Variants in EXOC6B observed in about 807,000 individuals in gnomAD.
The protein encoded by EXOC6B is exocyst complex component 6B, also known as SEC15 homolog B.
In EXOC6B, 54 loss-of-function variants were observed where a neutral mutation model predicts 113.5. That is an observed-to-expected ratio of 0.48 (90% confidence interval 0.38 to 0.60). The LOEUF (loss-of-function observed/expected upper bound fraction) is 0.60, where lower values mean the gene tolerates loss of function less well. Ranked by LOEUF, EXOC6B falls within the 20% of genes least tolerant of loss-of-function variation. The pLI is 0.00. For synonymous variants in EXOC6B, 357 were observed against 339.0 expected (o/e 1.05, Z -0.58); for missense variants, 797 against 977.5 (o/e 0.82, Z 2.46).
rs531196768 is a variant in EXOC6B, at chr2:72,278,907, G to T, written c.2196+56040C>A. Among the ~76,000 whole-genome samples, 18 of 152,170 alleles carry T rather than the reference G, an allele frequency of 1.2e-4. 1 individual carries two copies. Among genetic ancestry groups the T allele is most frequent in the African/African-American group, 4.3e-4 (18 of 41,498 alleles). On this transcript the variant is annotated intron_variant, in intron 20 of 21. Transcript: ENST00000272427. ...GGCAATTTGTATTTAATATCCACAA[G>T]GCTCAAGGATACAAGCTCACCTCTA... is the stretch of plus-strand genomic sequence containing the variant.
intron 20 of EXOC6B, among the ~76,000 whole-genome samples, chr2:72,312,297 C>T (rs965897494): frequency 1.3e-5 from 2 of 148,854 alleles, no homozygotes; most frequent in Admixed American, 6.7e-5. Context: ...CCCCTGTTGT[C>T]AATACTTTTT....
chr2:72,477,517 C>A (rs1698823607), intron 17 of EXOC6B, among the ~76,000 whole-genome samples: 1 of 152,180 alleles, frequency 6.6e-6, no homozygotes, highest in Non-Finnish European at 1.5e-5. Flanking sequence ...ATTAGACTTT[C>A]TTCTTCCCCT....
At chr2:72,310,013 C>T (rs1558544326) in intron 20 of EXOC6B, among the ~76,000 whole-genome samples, 1 of 152,112 alleles carries the variant, frequency 6.6e-6, no homozygotes, top group East Asian at 1.9e-4. Flanking sequence ...AGAGATGTTC[C>T]ACATTATGTT....
chr2:72,478,376 G>A (rs1256581529), intron 17 of EXOC6B, among the ~76,000 whole-genome samples: 5 of 152,156 alleles, frequency 3.3e-5, no homozygotes, highest in Non-Finnish European at 7.4e-5. Flanking sequence ...CCCTTTTCCA[G>A]CATAAAGGTT....
chr2:72,610,709 G>A (rs925916582), intron 6 of EXOC6B, among the ~76,000 whole-genome samples: 1 of 152,106 alleles, frequency 6.6e-6, no homozygotes, highest in Non-Finnish European at 1.5e-5. Flanking sequence ...CCTTACAGAG[G>A]AATGCCAAAT....
At chr2:72,489,782 A>T (rs1308197598) in intron 16 of EXOC6B, among the ~76,000 whole-genome samples, 1 of 152,228 alleles carries the variant, frequency 6.6e-6, no homozygotes, top group Admixed American at 6.5e-5. Flanking sequence ...ATAGTCACAT[A>T]AAGTTTGAAA....
intron 6 of EXOC6B, among the ~76,000 whole-genome samples, chr2:72,708,086 T>G (rs1311143370): frequency 1.3e-5 from 2 of 152,012 alleles, no homozygotes; most frequent in East Asian, 3.9e-4. Flanking sequence ...AAACCCAGAC[T>G]AGGGAAATAT....
intron 20 of EXOC6B, among the ~76,000 whole-genome samples, chr2:72,312,992 T>C (rs554777423): frequency 1.3e-5 from 2 of 152,256 alleles, no homozygotes; most frequent in East Asian, 1.9e-4. Context: ...GGTGGCTCCA[T>C]TATTGCTAAA....
intron 8 of EXOC6B, among the ~76,000 whole-genome samples, chr2:72,535,093 CAG>C (rs1702206230): frequency 6.6e-6 from 1 of 152,162 alleles, no homozygotes; most frequent in African/African-American, 2.4e-5. Context: ...ACTTGGTAAA[CAG>C]ATCATATACA....
intron 6 of EXOC6B, among the ~76,000 whole-genome samples, chr2:72,587,099 A>G (rs922991592): frequency 1.3e-5 from 2 of 152,232 alleles, no homozygotes; most frequent in African/African-American, 4.8e-5. Flanking sequence ...TCTACCAAAA[A>G]TACATATGAA....
intron 6 of EXOC6B, among the ~76,000 whole-genome samples, chr2:72,661,697 G>A (rs1675029402): frequency 6.6e-6 from 1 of 151,908 alleles, no homozygotes; most frequent in Non-Finnish European, 1.5e-5. Flanking sequence ...ATAGAAACAA[G>A]CTGATTCTAG....
At chr2:72,636,719 A>C (rs1672860896) in intron 6 of EXOC6B, among the ~76,000 whole-genome samples, 1 of 152,214 alleles carries the variant, frequency 6.6e-6, no homozygotes, top group South Asian at 2.1e-4. Context: ...CTTCATAGTA[A>C]ATGGTTAAAG....
At chr2:72,752,311 G>T (rs2104859660) in intron 1 of EXOC6B, among the ~76,000 whole-genome samples, 1 of 152,074 alleles carries the variant, frequency 6.6e-6, no homozygotes, top group East Asian at 1.9e-4. Flanking sequence ...AAATAGATAG[G>T]TCATCTCAAT....
intron 7 of EXOC6B, among the ~76,000 whole-genome samples, chr2:72,572,007 C>T (rs1201874201): frequency 6.6e-6 from 1 of 152,052 alleles, no homozygotes; most frequent in Non-Finnish European, 1.5e-5. Context: ...AAAGAAAGTA[C>T]CTAAACTTGT....
intron 18 of EXOC6B, among the ~76,000 whole-genome samples, chr2:72,440,796 C>A (rs1696151142): frequency 6.6e-6 from 1 of 152,118 alleles, no homozygotes; most frequent in Non-Finnish European, 1.5e-5. Flanking sequence ...ATCTTACATG[C>A]AGTGTCACAC....
At chr2:72,395,558 A>G (rs2105131093) in intron 18 of EXOC6B, among the ~76,000 whole-genome samples, 1 of 152,298 alleles carries the variant, frequency 6.6e-6, no homozygotes, top group East Asian at 1.9e-4. Flanking sequence ...CAAGAACTTA[A>G]TAAGCTCTTT....
At chr2:72,281,236 C>A (rs1685109807) in intron 20 of EXOC6B, among the ~76,000 whole-genome samples, 1 of 152,180 alleles carries the variant, frequency 6.6e-6, no homozygotes, top group South Asian at 2.1e-4. Flanking sequence ...CCCCTTTACT[C>A]TGGATGCCTG....
chr2:72,249,355 C>T (rs913987446), intron 20 of EXOC6B, among the ~76,000 whole-genome samples: 2 of 152,092 alleles, frequency 1.3e-5, no homozygotes, highest in Non-Finnish European at 2.9e-5. Context: ...CCCGGGTTCA[C>T]GTCATTCTCC....
At chr2:72,418,733 T>A (rs1276602057) in intron 18 of EXOC6B, among the ~76,000 whole-genome samples, 1 of 152,170 alleles carries the variant, frequency 6.6e-6, no homozygotes, top group Non-Finnish European at 1.5e-5. Context: ...AGATAGCCCA[T>A]AATTGGACCA....
Sources: gnomAD v4.1 joint callset for allele counts (sites outside exome capture counted in the v4.1 genomes callset) on GRCh38, gnomAD v4.1.1 for gene constraint, MANE v1.5 for transcripts, NCBI Gene and HGNC (gene_info 2026-07-23, HGNC 2026-07-21) for gene names.